The following UGT2B10 variants were observed in gnomAD, a reference collection of about 807,000 sequenced individuals.
The protein encoded by UGT2B10 is UDP-glucuronosyltransferase 2B10.
Under a neutral mutation model 43.7 loss-of-function variants are expected in UGT2B10, and 51 were observed. The ratio of observed to expected loss-of-function variants is 1.17; its 90% CI spans 0.93 to 1.47. UGT2B10 has a LOEUF of 1.47. Among genes scored for constraint, UGT2B10 ranks in the 40% most tolerant of loss-of-function variants. The pLI is 0.00. For synonymous variants in UGT2B10, 225 were observed against 209.0 expected, an observed-to-expected ratio of 1.08 and a Z score of -0.66; for missense variants, 696 against 617.7, an observed-to-expected ratio of 1.13 and a Z score of -1.34.
rs777647804 is a variant in UGT2B10 at position 68,830,731 on chromosome 4, A to G, written c.1439A>G (p.His480Arg). The G allele has an allele frequency of 3.8e-5, 61 of 1,613,322 alleles. No individual in the cohort carries two copies. Among genetic ancestry groups the G allele is most frequent in the Non-Finnish European group, 3.0e-5 (35 of 1,179,524 alleles). ...GCCAAACATCTTCGAGTTGCAGCCC[A>G]CAACCTCACCTGGTTCCAGTACCAC... ...KGAKHLRVAAHNLTWFQYHSL... is the reference protein window; with the variant it reads ...KGAKHLRVAARNLTWFQYHSL... The change falls in exon 6 of 6, where the codon CAC (histidine) becomes CGC (arginine). Residue 480 changes from histidine to arginine, a missense_variant. Physicochemically the swap from His to Arg is conservative, Grantham distance 29. Coordinates refer to ENST00000265403, the MANE Select transcript of UGT2B10 (RefSeq NM_001075.6).
chr4:68,816,835 T>C, intron 1 of UGT2B10, 98 bp downstream of exon 1: 2 of 1,047,378 alleles, frequency 1.9e-6, no homozygotes, highest in Middle Eastern at 2.2e-4. Flanking sequence ...GTGGAGTTTT[T>C]GGTAAATGAA....
chr4:68,818,583 G>A (rs2109685365), intron 2 of UGT2B10, among the ~76,000 whole-genome samples: 1 of 149,516 alleles, frequency 6.7e-6, no homozygotes, highest in South Asian at 2.1e-4. Flanking sequence ...TAGAATATAA[G>A]TAAGTAATGA....
rs1432864154 is a variant in UGT2B10, at chr4:68,827,022, A to C, written c.1088-307A>C. Among the ~76,000 whole-genome samples, 4 of 151,992 alleles carry C rather than the reference A, an allele frequency of 2.6e-5. No homozygotes were observed. The East Asian group carries it at 5.8e-4, about 22-fold the overall frequency. On this transcript the variant is annotated intron_variant, in intron 4 of 5. Transcript: ENST00000265403. The stretch of plus-strand genomic sequence containing the variant: ...TATCACACTCTGTGACTGTACTTAG[A>C]ATAACACTTCATTTCATGCCCATCT...
chr4:68,827,592 C>T (rs764457784), intron 5 of UGT2B10, 44 bp downstream of exon 5: 19 of 1,608,384 alleles, frequency 1.2e-5, no homozygotes, highest in Admixed American at 3.3e-5. Context: ...TAATAGATAG[C>T]TTTTCTTGTC....
rs777173140 is a variant in UGT2B10 at position 68,816,631 on chromosome 4, G to A, written c.612G>A (p.Met204Ile). ...PVVMSKLSDQMTFMERVKNML... is the reference protein window; with the variant it reads ...PVVMSKLSDQITFMERVKNML... The stretch of plus-strand genomic sequence containing the variant: ...TTATGTCAAAATTAAGTGATCAAAT[G>A]ACTTTCATGGAGAGGGTAAAAAATA... The change falls in exon 1 of 6, where the codon ATG becomes ATA. Residue 204 changes from methionine to isoleucine, a missense_variant. Coordinates refer to ENST00000265403, the MANE Select transcript of UGT2B10 (RefSeq NM_001075.6). 6.8e-6 allele frequency: 11 copies of A among 1,612,788 alleles called. No individual in the cohort carries two copies. The Admixed American group carries it at 1.5e-4, about 22-fold the overall frequency.
intron 3 of UGT2B10, among the ~76,000 whole-genome samples, chr4:68,823,480 C>T (rs1161385339): frequency 1.3e-5 from 2 of 152,054 alleles, no homozygotes. Context: ...GCACTCCAGC[C>T]TGGGCTACAG....
intron 2 of UGT2B10, 34 bp downstream of exon 2, chr4:68,818,211 C>T: frequency 6.2e-7 from 1 of 1,602,122 alleles, no homozygotes; most frequent in Non-Finnish European, 8.5e-7. Flanking sequence ...ATTTTGTTGG[C>T]TTCAAATTTC....
In UGT2B10 at chr4:68,830,879, G is replaced by C. The variant is rs1257168939; in HGVS notation, c.1587G>C (p.Ter529TyrextTer13). 6.2e-7 allele frequency: 1 copy of C among 1,611,652 alleles called. No homozygotes were observed. The highest frequency in any genetic ancestry group is 1.1e-5 in the South Asian group (1 of 90,854). Residue 529 changes from the stop codon to tyrosine, a stop_lost, in exon 6 of 6, where the codon TAG (stop) becomes TAC (tyrosine). Transcript: ENST00000265403. ...ARKGKKGKRD[*>Y] is the part of the protein sequence containing the mutation. ...AAGGAAAGAAGGGAAAAAGGGATTA[G>C]TTATATCTGAGATTTGAAGCTGGAA...
At chr4:68,818,271 A>T (rs1202012378) in intron 2 of UGT2B10, 94 bp downstream of exon 2, 1 of 1,555,996 alleles carries the variant, frequency 6.4e-7, no homozygotes, top group Non-Finnish European at 8.6e-7. Flanking sequence ...CTAACACTGA[A>T]AAAGATGGGA....
chr4:68,828,730 A>G (rs570316495), intron 5 of UGT2B10, among the ~76,000 whole-genome samples: 4 of 152,176 alleles, frequency 2.6e-5, no homozygotes, highest in African/African-American at 7.2e-5. Context: ...ACATATATGT[A>G]TCGTATATAT....
chr4:68,823,063 G>C (rs895890050), intron 3 of UGT2B10, among the ~76,000 whole-genome samples: 2 of 152,122 alleles, frequency 1.3e-5, no homozygotes, highest in African/African-American at 2.4e-5. Context: ...AAATAGAGAA[G>C]ACTGGCTCTG....
chr4:68,831,865 T>A lies in UGT2B10; in HGVS notation c.*986T>A, dbSNP rs1471466101. Among the ~76,000 whole-genome samples the A allele has an allele frequency of 6.6e-6, 1 of 152,080 alleles. No individual in the cohort carries two copies. Among genetic ancestry groups the A allele is most frequent in the Non-Finnish European group, 1.5e-5 (1 of 67,976 alleles). ...ATCAATCCAACTGCAAAGTTCACCT[T>A]ACCTGACTAAGGATTATTCATTAAG... On this transcript the variant is annotated 3_prime_UTR_variant, in exon 6 of 6. Transcript: ENST00000265403.
Position 68,827,381 on chromosome 4 carries a change from T to G in UGT2B10, c.1140T>G (p.Tyr380Ter). The G allele has an allele frequency of 6.2e-7, 1 of 1,613,432 alleles. No homozygotes were observed. The highest frequency in any genetic ancestry group is 8.5e-7 in the Non-Finnish European group (1 of 1,179,530). Residue 380 changes from tyrosine to a stop codon, truncating the protein, a stop_gained, in exon 5 of 6, where the codon TAT (tyrosine) becomes TAG (stop). Transcript: ENST00000265403. LOFTEE classifies it high-confidence loss of function. The part of the protein sequence containing the change: ...FITHGGANGI[Y>*]EAIYHGIPMV... Reference sequence around the variant, plus strand: ...CTCATGGTGGAGCCAATGGCATCTATGAGGCAATCTACCATGGGATCCCTA... The same window carrying G: ...CTCATGGTGGAGCCAATGGCATCTAGGAGGCAATCTACCATGGGATCCCTA...
At chr4:68,828,295 G>A (rs145811797) in intron 5 of UGT2B10, among the ~76,000 whole-genome samples, 34 of 151,044 alleles carry the variant, frequency 2.3e-4, no homozygotes, top group Admixed American at 4.0e-4. Flanking sequence ...AATTCATGTC[G>A]TTGTGTGTTT....
intron 2 of UGT2B10, among the ~76,000 whole-genome samples, chr4:68,818,422 T>G (rs1737330896): frequency 6.6e-6 from 1 of 151,822 alleles, no homozygotes; most frequent in Non-Finnish European, 1.5e-5. Flanking sequence ...ATTAAAGTCT[T>G]GATTATGCAA....
chr4:68,818,971 G>A (rs1737361913), intron 2 of UGT2B10, among the ~76,000 whole-genome samples: 2 of 151,806 alleles, frequency 1.3e-5, no homozygotes, highest in African/African-American at 4.8e-5. Flanking sequence ...ATATTCAATG[G>A]ATTAAATTGC....
chr4:68,824,500 A>T (rs145355380), intron 3 of UGT2B10, among the ~76,000 whole-genome samples: 3,085 of 152,252 alleles, frequency 0.02, 121 homozygotes, highest in African/African-American at 0.07. Context: ...CCCCCTCCAT[A>T]GAACATAGTA....
intron 5 of UGT2B10, among the ~76,000 whole-genome samples, chr4:68,828,880 A>G (rs928559868): frequency 2.6e-5 from 4 of 152,108 alleles, no homozygotes; most frequent in Admixed American, 2.6e-4. Context: ...GCCATAGTGG[A>G]AGTAAGGGAG....
chr4:68,822,957 T>C (rs1737585709), intron 3 of UGT2B10, among the ~76,000 whole-genome samples: 1 of 152,156 alleles, frequency 6.6e-6, no homozygotes, highest in Non-Finnish European at 1.5e-5. Flanking sequence ...TATTACTTAT[T>C]GTACTCTGGA....
Sources: gnomAD v4.1 joint callset for allele counts (sites outside exome capture counted in the v4.1 genomes callset) on GRCh38, gnomAD v4.1.1 for gene constraint, MANE v1.5 for transcripts, NCBI Gene and HGNC (gene_info 2026-07-23, HGNC 2026-07-21) for gene names.